FCAR: variants seen among roughly 807,000 people sequenced by gnomAD.
The protein encoded by FCAR is Fc alpha receptor, also known as immunoglobulin alpha Fc receptor.
FCAR carries 21 observed loss-of-function variants against 27.1 expected under a neutral mutation model. That is an observed-to-expected ratio of 0.77 (90% CI 0.55 to 1.11). The LOEUF (loss-of-function observed/expected upper bound fraction) is 1.11, where lower values mean the gene tolerates loss of function less well. Among genes scored for constraint, FCAR ranks in the 50% most tolerant of loss-of-function variants. The pLI, the probability that FCAR is intolerant of heterozygous loss-of-function variation, is 0.00. For missense variants in FCAR, 404 were observed against 358.4 expected (o/e 1.13, Z -1.03); for synonymous variants, 134 against 135.8 (o/e 0.99, Z 0.09).
intron 2 of FCAR, among the ~76,000 whole-genome samples, chr19:54,877,916 A>ATTTTTTTTTTTT (rs757104692): frequency 7.0e-6 from 1 of 143,464 alleles, no homozygotes. Flanking sequence ...TTTGCTAAGG[A>ATTTTTTTTTTTT]TTGTTTTTTT....
Position 54,888,509 on chromosome 19 carries a change from G to A in FCAR, c.649+215G>A, listed in dbSNP as rs2066885831. 7 of 1,405,390 alleles carry A rather than the reference G, an allele frequency of 5.0e-6. No individual in the cohort carries two copies. In the South Asian group the frequency reaches 1.0e-4, roughly 20 times the overall value. 87.1% of individuals were successfully genotyped at this position (1,405,390 alleles called of 1,614,324 possible). Reference sequence around the variant, plus strand: ...AGGGTTCATTGAAAACTTAGTCTGTGGAGAACAGAAGGGCTAACTCAGTTT... The same window carrying A: ...AGGGTTCATTGAAAACTTAGTCTGTAGAGAACAGAAGGGCTAACTCAGTTT... On this transcript the variant is annotated intron_variant, in intron 4 of 4. Transcript: ENST00000355524.
chr19:54,883,737 G>A (rs1016191706), intron 2 of FCAR, among the ~76,000 whole-genome samples: 5 of 152,050 alleles, frequency 3.3e-5, no homozygotes, highest in Non-Finnish European at 4.4e-5. Flanking sequence ...GGCAGATTGC[G>A]AAGTCAGGAG....
chr19:54,879,218 T>A (rs1036933521), intron 2 of FCAR, among the ~76,000 whole-genome samples: 1 of 152,150 alleles, frequency 6.6e-6, no homozygotes, highest in Admixed American at 6.5e-5. Context: ...GCATTTTAAT[T>A]AGGACAATTA....
intron 2 of FCAR, among the ~76,000 whole-genome samples, chr19:54,881,126 T>C (rs780665803): frequency 6.6e-6 from 1 of 152,102 alleles, no homozygotes; most frequent in Non-Finnish European, 1.5e-5. Context: ...GGCCTTTCAC[T>C]TGTCCCTTGG....
chr19:54,887,873 CG>C (rs2066831406), intron 3 of FCAR, 133 bp from the exon 4 acceptor site: 1 of 622,218 alleles, frequency 1.6e-6, no homozygotes, highest in African/African-American at 1.9e-5. Flanking sequence ...GCTGAGATCA[CG>C]CCACTGCACT....
intron 4 of FCAR, chr19:54,888,725 C>T (rs1021452247): frequency 2.7e-5 from 20 of 733,552 alleles, no homozygotes; most frequent in South Asian, 5.2e-5. Flanking sequence ...AGGCTGGTCT[C>T]GAACTCCCGA....
chr19:54,876,163 A>G (rs2066078699), intron 2 of FCAR, among the ~76,000 whole-genome samples: 1 of 152,100 alleles, frequency 6.6e-6, no homozygotes. Context: ...AATGCTACTG[A>G]TTTTTATATA....
chr19:54,885,310 G>T lies in FCAR; in HGVS notation c.146G>T (p.Cys49Phe). 1 of 1,613,970 alleles carries T rather than the reference G, an allele frequency of 6.2e-7. No homozygotes were observed. The highest frequency in any genetic ancestry group is 1.1e-5 in the South Asian group (1 of 91,062). ...IPLDGSVKIQ[C>F]QAIREAYLTQ... The stretch of plus-strand genomic sequence containing the variant: ...TTGGATGGATCTGTGAAAATCCAGT[G>T]CCAGGCCATTCGTGAAGCTTACCTG... Residue 49 changes from cysteine to phenylalanine, a missense_variant, in exon 3 of 5, where the codon TGC becomes TTC. By Grantham distance (205) the Cys-to-Phe change is radical. Transcript: ENST00000355524.
At chr19:54,886,497 T>C (rs113666695) in intron 3 of FCAR, among the ~76,000 whole-genome samples, 12,588 of 151,364 alleles carry the variant, frequency 0.083, 681 homozygotes, top group African/African-American at 0.14. Flanking sequence ...TTAGTAGAGA[T>C]AGGGTTTCAC....
chr19:54,891,083 C>G lies in FCAR; in HGVS notation c.*1220C>G, dbSNP rs1601973435. The stretch of plus-strand genomic sequence containing the variant: ...ATATTCACATATATTATCAAGTGTG[C>G]AAACATTAAATTCTTGTGTACAAAA... On this transcript the variant is annotated 3_prime_UTR_variant, in exon 5 of 5. Coordinates refer to ENST00000355524, the MANE Select transcript of FCAR (RefSeq NM_002000.4). 1 of 152,136 alleles carries G rather than the reference C, an allele frequency of 6.6e-6. No individual in the cohort carries two copies. The highest frequency in any genetic ancestry group is 1.9e-4 in the East Asian group (1 of 5,196). The allele number at this position is 152,136 out of a possible 1,614,324, so 9.4% of individuals were successfully genotyped here.
chr19:54,889,554 C>A (rs1343733149), intron 4 of FCAR, 95 bp from the exon 5 acceptor site: 3 of 1,053,274 alleles, frequency 2.8e-6, no homozygotes, highest in Non-Finnish European at 4.4e-6. Flanking sequence ...TTTTGGCAAG[C>A]GAAAAGGAAA....
chr19:54,876,747 G>T (rs912676081), intron 2 of FCAR, among the ~76,000 whole-genome samples: 1 of 152,060 alleles, frequency 6.6e-6, no homozygotes, highest in Admixed American at 6.6e-5. Flanking sequence ...GTGAAACCTC[G>T]TCTATACTAA....
chr19:54,882,166 G>C (rs751167619), intron 2 of FCAR, among the ~76,000 whole-genome samples: 13 of 152,304 alleles, frequency 8.5e-5, no homozygotes, highest in African/African-American at 2.9e-4. Flanking sequence ...GGGGAAGAGA[G>C]ACTGGACTCC....
In FCAR at chr19:54,885,377, A is replaced by G. The variant is rs771428360; in HGVS notation, c.213A>G (p.Ile71Met). 1.5e-5 allele frequency: 24 copies of G among 1,613,988 alleles called. No homozygotes were observed. The South Asian group carries it at 2.4e-4, about 16-fold the overall frequency. ...MIIKNSTYRE[I>M]GRRLKFWNET... ...TAAAAAACTCCACGTACCGAGAGAT[A>G]GGCAGAAGACTGAAGTTTTGGAATG... is the stretch of plus-strand genomic sequence containing the variant. The change falls in exon 3 of 5, where the codon ATA becomes ATG. Residue 71 changes from isoleucine (I) to methionine (M), a missense_variant. Physicochemically the swap from Ile to Met is conservative, Grantham distance 10. Coordinates refer to ENST00000355524, the MANE Select transcript of FCAR (RefSeq NM_002000.4).
intron 2 of FCAR, among the ~76,000 whole-genome samples, chr19:54,879,630 T>C (rs2066295651): frequency 1.3e-5 from 2 of 152,054 alleles, no homozygotes. Context: ...CTCGATGGCA[T>C]TCCCTTTGTA....
At chr19:54,878,349 A>G (rs1185170766) in intron 2 of FCAR, among the ~76,000 whole-genome samples, 1 of 152,166 alleles carries the variant, frequency 6.6e-6, no homozygotes, top group Non-Finnish European at 1.5e-5. Context: ...CATTTGATCC[A>G]CTGCTGAGTT....
At chr19:54,887,791 C>CGGGTGT in intron 3 of FCAR, among the ~76,000 whole-genome samples, 1 of 150,352 alleles carries the variant, frequency 6.7e-6, no homozygotes, top group East Asian at 2.0e-4. Flanking sequence ...GTGGTACGCA[C>CGGGTGT]CTGTAATCCC....
intron 4 of FCAR, among the ~76,000 whole-genome samples, chr19:54,889,345 C>G (rs1323967281): frequency 6.9e-6 from 1 of 144,360 alleles, no homozygotes; most frequent in Non-Finnish European, 1.5e-5. Context: ...GCACTCCAGC[C>G]TGGGCAACAG....
At chr19:54,880,157 G>A (rs377090078) in intron 2 of FCAR, among the ~76,000 whole-genome samples, 3 of 152,298 alleles carry the variant, frequency 2.0e-5, no homozygotes, top group East Asian at 3.9e-4. Flanking sequence ...TGTTTTCCAT[G>A]TTCCTTGCTT....
Sources: allele counts gnomAD v4.1 joint callset (sites outside exome capture counted in the v4.1 genomes callset), GRCh38; gene constraint gnomAD v4.1.1; transcripts MANE v1.5; gene names NCBI Gene and HGNC (gene_info 2026-07-23, HGNC 2026-07-21).